CEP135: variants seen among roughly 807,000 people sequenced by gnomAD.
CEP135 encodes the protein centrosomal protein of 135 kDa.
Under a neutral mutation model 157.3 loss-of-function variants are expected in CEP135, and 142 were observed. The observed-to-expected ratio is 0.90, with a 90% CI of 0.79 to 1.04. The LOEUF is 1.04. CEP135 is among the 50% of genes least tolerant of loss of function. The pLI, the probability that CEP135 is intolerant of heterozygous loss-of-function variation, is 0.00. For missense variants in CEP135, 1,317 were observed against 1,309.2 expected, an observed-to-expected ratio of 1.01 and a Z score of -0.09; for synonymous variants, 396 against 439.8, an observed-to-expected ratio of 0.90 and a Z score of 1.25.
intron 15 of CEP135, among the ~76,000 whole-genome samples, chr4:55,992,864 C>T (rs1479719808): frequency 1.3e-5 from 2 of 152,038 alleles, no homozygotes; most frequent in Non-Finnish European, 2.9e-5. Flanking sequence ...AAAAGGCAAA[C>T]AAAGCTTTTT....
intron 17 of CEP135, among the ~76,000 whole-genome samples, chr4:56,007,460 T>C (rs1730395418): frequency 2.0e-5 from 3 of 152,190 alleles, no homozygotes; most frequent in African/African-American, 7.2e-5. Flanking sequence ...CTACAGCATG[T>C]TGTTACTGAA....
In CEP135 at chr4:55,991,981, A is replaced by G; in HGVS notation, c.1905A>G (p.Lys635=). 1 of 1,569,704 alleles carries G rather than the reference A, an allele frequency of 6.4e-7. No homozygotes were observed. The highest frequency in any genetic ancestry group is 8.7e-7 in the Non-Finnish European group (1 of 1,150,916). The part of the protein sequence containing the change: ...YELKSKVLIM[K]ETIESLENKL... ...TAAAGTCTAAAGTGTTAATAATGAAAGAAACAATAGAGTCGTTAGAGAACA... is the reference window on the plus strand; with the variant it reads ...TAAAGTCTAAAGTGTTAATAATGAAGGAAACAATAGAGTCGTTAGAGAACA... The change falls in exon 15 of 26, where the codon AAA becomes AAG. Residue 635 remains lysine (K), a synonymous_variant. Transcript: ENST00000257287.
At chr4:55,996,923 T>C (rs1272406522) in intron 15 of CEP135, among the ~76,000 whole-genome samples, 2 of 152,200 alleles carry the variant, frequency 1.3e-5, no homozygotes, top group African/African-American at 4.8e-5. Flanking sequence ...TGTAATACAA[T>C]ATAACTGAGG....
At position 55,957,369 on chromosome 4, in the gene CEP135, A is replaced by G. The variant is rs1728542105; in HGVS notation, c.614+5A>G. On this transcript the variant is annotated splice_donor_5th_base_variant and intron_variant, in intron 5 of 25. Coordinates refer to ENST00000257287, the MANE Select transcript of CEP135 (RefSeq NM_025009.5). ...CCTTCAAGTGGCTGATAACAGGTGC[A>G]TTAAATAATTCTTTCTTGGCTTGAG... is the stretch of plus-strand genomic sequence containing the variant. The G allele has an allele frequency of 1.2e-6, 2 of 1,606,898 alleles. No homozygotes were observed. Among genetic ancestry groups the G allele is most frequent in the Non-Finnish European group, 1.7e-6 (2 of 1,178,270 alleles).
intron 5 of CEP135, among the ~76,000 whole-genome samples, chr4:55,957,981 C>G (rs1027288160): frequency 6.6e-6 from 1 of 152,096 alleles, no homozygotes; most frequent in Admixed American, 6.5e-5. Context: ...ATAAGAGGCT[C>G]AAAGGAATGG....
rs748238670 is a variant in CEP135, at chr4:55,974,845, TAGA to T, written c.1357_1359del (p.Glu453del). 19 of 1,613,820 alleles carry T rather than the reference TAGA, an allele frequency of 1.2e-5. No individual in the cohort carries two copies. Among genetic ancestry groups the T allele is most frequent in the East Asian group, 2.2e-5 (1 of 44,812 alleles). On this transcript the variant is annotated inframe_deletion, in exon 11 of 26. Coordinates refer to ENST00000257287, the MANE Select transcript of CEP135 (RefSeq NM_025009.5). ...CGTTTAGATACATTTCTGAAAGGTATAGAAGAAGAACGAGATTATTATAAGAAA... is the reference window on the plus strand; with the variant it reads ...CGTTTAGATACATTTCTGAAAGGTATAGAAGAACGAGATTATTATAAGAAA...
At chr4:56,012,453 CT>C (rs1730621092) in intron 21 of CEP135, among the ~76,000 whole-genome samples, 1 of 152,028 alleles carries the variant, frequency 6.6e-6, no homozygotes, top group South Asian at 2.1e-4. Context: ...AAGCCCATTA[CT>C]TTTTTTTGTA....
chr4:55,971,082 T>TAA, intron 9 of CEP135, among the ~76,000 whole-genome samples, 188 bp from the exon 10 acceptor site: 1 of 152,356 alleles, frequency 6.6e-6, no homozygotes, highest in Non-Finnish European at 1.5e-5. Context: ...GCATTGTTGA[T>TAA]ATTTGTGTTT....
chr4:55,985,032 C>T (rs957422457), intron 13 of CEP135, among the ~76,000 whole-genome samples: 2 of 152,168 alleles, frequency 1.3e-5, no homozygotes, highest in African/African-American at 4.8e-5. Flanking sequence ...TGAATCCTTA[C>T]TAATCTATGT....
At chr4:56,010,176 C>CG (rs1553894469) in intron 19 of CEP135, among the ~76,000 whole-genome samples, 5 of 21,076 alleles carry the variant, frequency 2.4e-4, no homozygotes, top group South Asian at 1.6e-3. Context: ...ATTGTGAAAA[C>CG]CCCCCCCCCA....
chr4:55,995,853 G>T (rs1278407921), intron 15 of CEP135, among the ~76,000 whole-genome samples: 1 of 152,072 alleles, frequency 6.6e-6, no homozygotes, highest in Non-Finnish European at 1.5e-5. Flanking sequence ...GAGCTATGAG[G>T]CTCTAAACAA....
rs1731380769 is a variant in CEP135, at chr4:56,032,308, G to A, written c.*960G>A. ...AAAAATACAAAAATTATCTGGGCTT[G>A]GTGGCGGGCACCTGTAATCCCAGCC... On this transcript the variant is annotated 3_prime_UTR_variant, in exon 26 of 26. Coordinates refer to ENST00000257287, the MANE Select transcript of CEP135 (RefSeq NM_025009.5). 1 of 152,076 alleles carries A rather than the reference G, an allele frequency of 6.6e-6. No individual in the cohort carries two copies. Among genetic ancestry groups the A allele is most frequent in the Admixed American group, 6.6e-5 (1 of 15,252 alleles). The allele number at this position is 152,076 out of a possible 1,614,324, so 9.4% of individuals were successfully genotyped here.
intron 25 of CEP135, among the ~76,000 whole-genome samples, chr4:56,029,763 A>T (rs1184595082): frequency 6.6e-6 from 1 of 152,186 alleles, no homozygotes; most frequent in Non-Finnish European, 1.5e-5. Context: ...CTAAACAGAG[A>T]AAACATACAG....
intron 21 of CEP135, among the ~76,000 whole-genome samples, chr4:56,014,724 G>A (rs1341978593): frequency 6.6e-6 from 1 of 152,012 alleles, no homozygotes; most frequent in Non-Finnish European, 1.5e-5. Flanking sequence ...GAACTGAAAA[G>A]CAAAAAAGAA....
At chr4:56,014,237 G>A (rs2109737790) in intron 21 of CEP135, among the ~76,000 whole-genome samples, 1 of 152,332 alleles carries the variant, frequency 6.6e-6, no homozygotes, top group Non-Finnish European at 1.5e-5. Flanking sequence ...CAGAAAGTGG[G>A]TTGCTGCTAC....
intron 14 of CEP135, among the ~76,000 whole-genome samples, chr4:55,987,891 G>A (rs1360223249): frequency 6.6e-6 from 1 of 152,170 alleles, no homozygotes; most frequent in Non-Finnish European, 1.5e-5. Context: ...GAGAGTATTT[G>A]AAGAGATAAT....
chr4:55,981,249 TAAGA>T lies in CEP135; in HGVS notation c.1653_1656del (p.Lys552AsnfsTer26). 2 of 1,590,210 alleles carry T rather than the reference TAAGA, an allele frequency of 1.3e-6. No homozygotes were observed. Among genetic ancestry groups the T allele is most frequent in the East Asian group, 4.6e-5 (2 of 43,780 alleles). ...AAGGCTCAGGAAGAATTATCTGCCCTAAGAAAGGAATCCACCCAAACCACAGCAC... is the reference window on the plus strand; with the variant it reads ...AAGGCTCAGGAAGAATTATCTGCCCTAAGGAATCCACCCAAACCACAGCAC... On this transcript the variant is annotated frameshift_variant, in exon 13 of 26. Coordinates refer to ENST00000257287, the MANE Select transcript of CEP135 (RefSeq NM_025009.5). LOFTEE classifies it high-confidence loss of function.
At chr4:56,014,884 C>T (rs566237141) in intron 21 of CEP135, among the ~76,000 whole-genome samples, 1 of 152,108 alleles carries the variant, frequency 6.6e-6, no homozygotes, top group African/African-American at 2.4e-5. Flanking sequence ...CATGGCAAAA[C>T]CCCATCTCTA....
rs370534878 is a variant in CEP135 at position 56,019,453 on chromosome 4, C to G, written c.3113C>G (p.Ala1038Gly). ...HTVKNLESLLATNRDKEFHSH... is the reference protein window; with the variant it reads ...HTVKNLESLLGTNRDKEFHSH... ...GTTAAAAACCTCGAATCATTGTTGG[C>G]TACAAACAGAGATAAAGAATTTCAT... The change falls in exon 23 of 26, where the codon GCT becomes GGT. Residue 1038 changes from alanine (A) to glycine (G), a missense_variant. By Grantham distance (60) the Ala-to-Gly change is moderately conservative. Transcript: ENST00000257287. 7.4e-6 allele frequency: 12 copies of G among 1,613,784 alleles called. No homozygotes were observed. Among genetic ancestry groups the G allele is most frequent in the Non-Finnish European group, 1.0e-5 (12 of 1,179,828 alleles).
Sources: gnomAD v4.1 joint callset for allele counts (sites outside exome capture counted in the v4.1 genomes callset) on GRCh38, gnomAD v4.1.1 for gene constraint, MANE v1.5 for transcripts, NCBI Gene and HGNC (gene_info 2026-07-23, HGNC 2026-07-21) for gene names.